Variants in TTLL11 observed in about 807,000 individuals in gnomAD.
TTLL11 encodes tubulin polyglutamylase TTLL11.
Under a neutral mutation model 51.7 loss-of-function variants are expected in TTLL11, and 42 were observed. The ratio of observed to expected loss-of-function variants is 0.81; its 90% CI spans 0.64 to 1.05. TTLL11 has a LOEUF of 1.05. Among genes scored for constraint, TTLL11 ranks in the 50% least tolerant of loss-of-function variants. The pLI, the probability that TTLL11 is intolerant of heterozygous loss-of-function variation, is 0.00. For synonymous variants in TTLL11, 381 were observed against 383.5 expected (o/e 0.99, Z 0.08); for missense variants, 799 against 940.4 (o/e 0.85, Z 1.97).
In TTLL11 at chr9:122,092,686, C is replaced by A. The variant is rs1202559542; in HGVS notation, c.462+1G>T. 2.0e-6 allele frequency: 3 copies of A among 1,536,860 alleles called. No homozygotes were observed. Among genetic ancestry groups the A allele is most frequent in the Non-Finnish European group, 2.6e-6 (3 of 1,146,856 alleles). ...CGCGGCCGGGTCGGGCCGGGCCTCA[C>A]CTCCTTCCACTTGAGCTGGCGGATG... On this transcript the variant is annotated splice_donor_variant, in intron 1 of 8. Coordinates refer to ENST00000321582, the MANE Select transcript of TTLL11 (RefSeq NM_001139442.2). LOFTEE classifies it high-confidence loss of function.
chr9:121,908,977 A>G (rs1186142328), intron 6 of TTLL11, among the ~76,000 whole-genome samples: 1 of 152,236 alleles, frequency 6.6e-6, no homozygotes, highest in East Asian at 1.9e-4. Flanking sequence ...AATTCAACCC[A>G]TAACAGTTAG....
intron 3 of TTLL11, among the ~76,000 whole-genome samples, chr9:122,006,981 CAAAAAAAA>C (rs71371911): frequency 0.035 from 1,507 of 43,510 alleles, 15 homozygotes; most frequent in Admixed American, 0.052. Context: ...GATACTCTGT[CAAAAAAAA>C]AAAAAAAAAA....
intron 7 of TTLL11, among the ~76,000 whole-genome samples, chr9:121,869,708 C>T (rs370527605): frequency 6.8e-4 from 104 of 152,276 alleles, no homozygotes; most frequent in East Asian, 1.2e-3. Context: ...TGTTTCTATG[C>T]GATCTCAACT....
Position 121,989,392 on chromosome 9 carries a change from C to G in TTLL11, c.1072G>C (p.Asp358His), listed in dbSNP as rs761625224. 6.2e-7 allele frequency: 1 copy of G among 1,614,114 alleles called. No individual in the cohort carries two copies. The highest frequency in any genetic ancestry group is 1.3e-5 in the African/African-American group (1 of 75,014). Reference sequence around the variant, plus strand: ...CTTTTGCTGCCAGTGCTAGCACTGTCCGAGTGGATGAAGTTGCCGCTGTGG... The same window carrying G: ...CTTTTGCTGCCAGTGCTAGCACTGTGCGAGTGGATGAAGTTGCCGCTGTGG... ...NIHSGNFIHS[D>H]SASTGSKRTF... The change falls in exon 4 of 9, where the codon GAC (aspartate) becomes CAC (histidine). Residue 358 changes from aspartate (D) to histidine (H), a missense_variant. Asp to His is a moderately conservative substitution (Grantham distance 81). Coordinates refer to ENST00000321582, the MANE Select transcript of TTLL11 (RefSeq NM_001139442.2). This position sits in a 1 kb window ranked among gnomAD's most constrained non-coding sequence, Gnocchi z 4.2.
chr9:122,019,013 C>A (rs896451137), intron 3 of TTLL11, among the ~76,000 whole-genome samples: 3 of 152,220 alleles, frequency 2.0e-5, no homozygotes, highest in African/African-American at 7.2e-5. Flanking sequence ...TAAACCCGCT[C>A]CTCCTCTTGG....
intron 8 of TTLL11, among the ~76,000 whole-genome samples, chr9:121,835,793 G>A (rs1250635810): frequency 6.6e-6 from 1 of 152,166 alleles, no homozygotes; most frequent in Non-Finnish European, 1.5e-5. Flanking sequence ...ACAAGTTCCT[G>A]AGTCACCATC....
At chr9:122,023,977 G>T (rs544499450) in intron 3 of TTLL11, among the ~76,000 whole-genome samples, 10 of 152,110 alleles carry the variant, frequency 6.6e-5, no homozygotes, top group Admixed American at 6.5e-4. Context: ...GCAAGAAAAA[G>T]AAATAAACGG....
At chr9:121,957,958 A>AAAAAAGTG (rs1403483188) in intron 6 of TTLL11, among the ~76,000 whole-genome samples, 1 of 152,204 alleles carries the variant, frequency 6.6e-6, no homozygotes, top group Non-Finnish European at 1.5e-5. Flanking sequence ...TTGGGCCTCA[A>AAAAAAGTG]AAAAAGTGAG....
chr9:121,825,923 GCTTT>G (rs774166612), intron 8 of TTLL11, among the ~76,000 whole-genome samples: 1 of 151,034 alleles, frequency 6.6e-6, no homozygotes, highest in African/African-American at 2.4e-5. Context: ...TGCTGCCTTG[GCTTT>G]CTTTCTGCTT....
chr9:122,051,005 A>G (rs190197677), intron 1 of TTLL11, among the ~76,000 whole-genome samples: 1 of 152,306 alleles, frequency 6.6e-6, no homozygotes, highest in Non-Finnish European at 1.5e-5. Context: ...TAAGCTGCTT[A>G]GTTTTGGGGA....
chr9:121,823,992 GTCTA>G (rs1297853312), intron 8 of TTLL11, among the ~76,000 whole-genome samples: 1 of 152,108 alleles, frequency 6.6e-6, no homozygotes, highest in Non-Finnish European at 1.5e-5. Flanking sequence ...CTTGCTCTGT[GTCTA>G]TCTGTCTGTG....
intron 3 of TTLL11, among the ~76,000 whole-genome samples, chr9:122,002,689 G>A (rs1333720986): frequency 6.6e-6 from 1 of 152,070 alleles, no homozygotes; most frequent in African/African-American, 2.4e-5. Flanking sequence ...GCTCATGCCT[G>A]TAATCCCAGC....
At chr9:121,944,989 A>G (rs1243204717) in intron 6 of TTLL11, among the ~76,000 whole-genome samples, 11 of 152,256 alleles carry the variant, frequency 7.2e-5, no homozygotes, top group Non-Finnish European at 2.9e-5. Flanking sequence ...GCTTGTTTTC[A>G]GGGTTAAAAA....
Position 121,817,450 on chromosome 9 carries a change from T to G in TTLL11, c.*5137A>C, listed in dbSNP as rs1836443328. ...ACACTACGTTTGAGCAGCGCCTTCGTTTACAAAACACTTTCACATTGATGA... is the reference window on the plus strand; with the variant it reads ...ACACTACGTTTGAGCAGCGCCTTCGGTTACAAAACACTTTCACATTGATGA... On this transcript the variant is annotated 3_prime_UTR_variant, in exon 9 of 9. Coordinates refer to ENST00000321582, the MANE Select transcript of TTLL11 (RefSeq NM_001139442.2). 2 of 152,198 alleles carry G rather than the reference T, an allele frequency of 1.3e-5. No individual in the cohort carries two copies. Among genetic ancestry groups the G allele is most frequent in the African/African-American group, 2.4e-5 (1 of 41,436 alleles). 9.4% of individuals were successfully genotyped at this position (152,198 alleles called of 1,614,324 possible). A position where few individuals can be genotyped will look rare whatever the true frequency, so the allele number is the denominator to read the frequency against.
At chr9:122,071,598 G>A (rs72767751) in intron 1 of TTLL11, among the ~76,000 whole-genome samples, 4,019 of 152,158 alleles carry the variant, frequency 0.026, 74 homozygotes, top group Non-Finnish European at 0.04. Flanking sequence ...CACTGCTGCC[G>A]CCCCCCAGCC....
chr9:121,859,773 C>T lies in TTLL11; in HGVS notation c.1840+564G>A, dbSNP rs577437147. Among the ~76,000 whole-genome samples the T allele has an allele frequency of 2.6e-5, 4 of 152,330 alleles. No individual in the cohort carries two copies. In the South Asian group the frequency reaches 6.2e-4, roughly 24 times the overall value. ...AACAGCCTCACCTGTGTCCAGGCCA[C>T]GGCCAGGCAATAGCCCTGCCAGAGT... is the stretch of plus-strand genomic sequence containing the variant. On this transcript the variant is annotated intron_variant, in intron 8 of 8. Coordinates refer to ENST00000321582, the MANE Select transcript of TTLL11 (RefSeq NM_001139442.2).
chr9:121,994,193 A>G (rs1843189691), intron 3 of TTLL11, among the ~76,000 whole-genome samples: 1 of 151,832 alleles, frequency 6.6e-6, no homozygotes, highest in Non-Finnish European at 1.5e-5. Flanking sequence ...AGTGGGGCAG[A>G]AAGGAAGGAC....
chr9:121,974,180 G>A, intron 5 of TTLL11, 56 bp from the exon 6 acceptor site: 2 of 1,348,760 alleles, frequency 1.5e-6, no homozygotes, highest in South Asian at 1.3e-5. Flanking sequence ...GTGCCAAGTG[G>A]CTATCCAGCT....
At chr9:121,832,794 A>G (rs1837059519) in intron 8 of TTLL11, among the ~76,000 whole-genome samples, 1 of 152,082 alleles carries the variant, frequency 6.6e-6, no homozygotes, top group Admixed American at 6.5e-5. Flanking sequence ...ACAAAAATTA[A>G]CTAGGCATGG....
Sources: gnomAD v4.1 joint callset for allele counts (sites outside exome capture counted in the v4.1 genomes callset) on GRCh38, gnomAD v4.1.1 for gene constraint, Gnocchi (gnomAD v3.1) non-coding constraint, MANE v1.5 for transcripts, NCBI Gene and HGNC (gene_info 2026-07-23, HGNC 2026-07-21) for gene names.